Variants in PPFIA4 observed in about 807,000 individuals in gnomAD.
PPFIA4 encodes the protein PPFI scaffold protein A4.
PPFIA4 carries 98 observed loss-of-function variants against 145.7 expected under a neutral mutation model. That is an observed-to-expected ratio of 0.67 (90% CI 0.57 to 0.80). The LOEUF is 0.80. Among genes scored for constraint, PPFIA4 ranks in the 30% least tolerant of loss-of-function variants. The pLI, the probability that PPFIA4 is intolerant of heterozygous loss-of-function variation, is 0.00. For missense variants in PPFIA4, 1,457 were observed against 1,632.7 expected (o/e 0.89, Z 1.85); for synonymous variants, 628 against 649.6 (o/e 0.97, Z 0.51).
intron 28 of PPFIA4, among the ~76,000 whole-genome samples, chr1:203,073,931 G>C (rs182303525): frequency 6.6e-6 from 1 of 152,184 alleles, no homozygotes; most frequent in African/African-American, 2.4e-5. Flanking sequence ...AGAGCCAGCT[G>C]CCACCTATTC....
In PPFIA4 at chr1:203,048,155, G is replaced by A; in HGVS notation, c.1141-72G>A. On this transcript the variant is annotated intron_variant, in intron 9 of 29. Coordinates refer to ENST00000295706, the MANE Select transcript of PPFIA4 (RefSeq NM_001304331.2). The surrounding 1 kb of genome is among the most constrained non-coding windows in gnomAD (Gnocchi z 5.8). ...TCCCCAGGGCCACCCTGGCACCAGG[G>A]TGCAGGGGATGCGGGGCCTGAGCAG... 4 of 1,459,284 alleles carry A rather than the reference G, an allele frequency of 2.7e-6. No homozygotes were observed. Among genetic ancestry groups the A allele is most frequent in the Non-Finnish European group, 2.9e-6 (3 of 1,051,256 alleles). The allele number at this position is 1,459,284 out of a possible 1,614,324, so 90.4% of individuals were successfully genotyped here.
intron 21 of PPFIA4, 137 bp downstream of exon 21, chr1:203,059,988 C>CCCCCCT: frequency 1.2e-6 from 1 of 813,240 alleles, no homozygotes; most frequent in Non-Finnish European, 2.0e-6. Flanking sequence ...TAGCATTTAG[C>CCCCCCT]CCCCCTCCCC....
chr1:203,065,247 C>A (rs1308506258), intron 25 of PPFIA4, among the ~76,000 whole-genome samples: 1 of 152,184 alleles, frequency 6.6e-6, no homozygotes, highest in African/African-American at 2.4e-5. Flanking sequence ...GGCTTAGAAC[C>A]CTTGGCCTAT....
chr1:203,038,822 G>A lies in PPFIA4; in HGVS notation c.-187G>A. On this transcript the variant is annotated 5_prime_UTR_variant, in exon 2 of 30. Transcript: ENST00000295706. ...AGGCCTTCTGGCTCAGTTCCACAGG[G>A]GCACTCCAGACCCCAGGCCCCTTTC... is the stretch of plus-strand genomic sequence containing the variant. The A allele has an allele frequency of 2.0e-6, 1 of 507,008 alleles. No homozygotes were observed. Among genetic ancestry groups the A allele is most frequent in the Non-Finnish European group, 3.5e-6 (1 of 286,520 alleles). 31.4% of individuals were successfully genotyped at this position (507,008 alleles called of 1,614,324 possible).
chr1:203,074,714 C>CA (rs1182251541), intron 28 of PPFIA4, among the ~76,000 whole-genome samples: 2 of 151,980 alleles, frequency 1.3e-5, no homozygotes, highest in Non-Finnish European at 2.9e-5. Context: ...GGAGATTGGG[C>CA]ATGGCTTCCA....
Position 203,060,100 on chromosome 1 carries a change from A to G in PPFIA4, c.2584-117A>G, listed in dbSNP as rs1168019413. On this transcript the variant is annotated intron_variant, in intron 21 of 29. Transcript: ENST00000295706. The surrounding 1 kb of genome is among the most constrained non-coding windows in gnomAD (Gnocchi z 4.8). ...GTTTGATGACCGCCACATTCCTATG[A>G]TCTGTATTTGCTATTCGAGTCCGTG... 4.1e-6 allele frequency: 4 copies of G among 973,030 alleles called. No individual in the cohort carries two copies. Among genetic ancestry groups the G allele is most frequent in the Non-Finnish European group, 6.2e-6 (4 of 641,862 alleles). The allele number at this position is 973,030 out of a possible 1,614,324, so 60.3% of individuals were successfully genotyped here.
rs1217404560 is a variant in PPFIA4 at position 203,055,772 on chromosome 1, A to G, written c.2070+100A>G. On this transcript the variant is annotated intron_variant, in intron 16 of 29. Transcript: ENST00000295706. This position sits in a 1 kb window ranked among gnomAD's most constrained non-coding sequence, Gnocchi z 4.8. ...TCACGTGCTCTCAGCTGGGCCTGCC[A>G]TCTTCTTCCCATGGTGTGTGCAGAC... 68 of 1,542,098 alleles carry G rather than the reference A, an allele frequency of 4.4e-5. No individual in the cohort carries two copies. The highest frequency in any genetic ancestry group is 4.7e-4 in the Middle Eastern group (2 of 4,294).
chr1:203,058,898 ATTC>A (rs941322545), intron 19 of PPFIA4, among the ~76,000 whole-genome samples: 6 of 152,140 alleles, frequency 3.9e-5, no homozygotes, highest in South Asian at 2.1e-4. Flanking sequence ...TCTGTCTAGG[ATTC>A]TAGGGTCGAT....
chr1:203,075,507 C>T lies in PPFIA4; in HGVS notation c.3394-70C>T. 1.6e-6 allele frequency: 2 copies of T among 1,284,394 alleles called. No homozygotes were observed. The highest frequency in any genetic ancestry group is 2.0e-6 in the Non-Finnish European group (2 of 998,516). 79.6% of individuals were successfully genotyped at this position (1,284,394 alleles called of 1,614,324 possible). A position where few individuals can be genotyped will look rare whatever the true frequency, so the allele number is the denominator to read the frequency against. The stretch of plus-strand genomic sequence containing the variant: ...CCCTTGAACCAGCAGCGACTGGCCC[C>T]CTCCAGGCAGGGCGTGAGGATGGCA... On this transcript the variant is annotated intron_variant, in intron 28 of 29. Transcript: ENST00000295706. The surrounding 1 kb of genome is among the most constrained non-coding windows in gnomAD (Gnocchi z 4.1).
At chr1:203,069,046 A>G (rs746355579) in intron 27 of PPFIA4, among the ~76,000 whole-genome samples, 36 of 152,000 alleles carry the variant, frequency 2.4e-4, no homozygotes, top group Non-Finnish European at 4.9e-4. Flanking sequence ...ACCTTTGTCT[A>G]CCACCCTAGG....
At chr1:203,072,196 G>A (rs1662218514) in intron 28 of PPFIA4, among the ~76,000 whole-genome samples, 1 of 152,178 alleles carries the variant, frequency 6.6e-6, no homozygotes, top group Non-Finnish European at 1.5e-5. Context: ...CCAGGAGTGT[G>A]GGTGTGTGGA....
At chr1:203,059,412 G>A in intron 20 of PPFIA4, 141 bp downstream of exon 20, 1 of 731,184 alleles carries the variant, frequency 1.4e-6, no homozygotes, top group Non-Finnish European at 2.3e-6. Context: ...TGGTCCATGT[G>A]GGCACAGCAG....
At chr1:203,072,332 A>T (rs570326718) in intron 28 of PPFIA4, among the ~76,000 whole-genome samples, 73 of 152,288 alleles carry the variant, frequency 4.8e-4, no homozygotes, top group African/African-American at 1.7e-3. Flanking sequence ...CCTTGGGTCT[A>T]CCTTCACACC....
In PPFIA4 at chr1:203,045,829, C is replaced by T. The variant is rs755317911; in HGVS notation, c.859-12C>T. ...GGCTGGTTACCGTCCTTCTTGTCCC[C>T]TCTTCTCCCAGGCTCTGGCCCAGAA... On this transcript the variant is annotated splice_polypyrimidine_tract_variant and intron_variant, in intron 7 of 29. Coordinates refer to ENST00000295706, the MANE Select transcript of PPFIA4 (RefSeq NM_001304331.2). 1.4e-5 allele frequency: 23 copies of T among 1,612,826 alleles called. 1 individual carries two copies. In the South Asian group the frequency reaches 2.4e-4, roughly 17 times the overall value.
In PPFIA4 at chr1:203,056,896, A is replaced by C. The variant is rs757219718; in HGVS notation, c.2353A>C (p.Lys785Gln). The C allele has an allele frequency of 1.2e-6, 2 of 1,614,066 alleles. No individual in the cohort carries two copies. Among genetic ancestry groups the C allele is most frequent in the South Asian group, 2.2e-5 (2 of 91,088 alleles). ...IKSSIGRLFG[K>Q]KEKGRLIQLS... The stretch of plus-strand genomic sequence containing the variant: ...GTCGTCCATTGGCCGCCTGTTTGGG[A>C]AGAAGGAGAAGGGCAGGCTGATCCA... The change falls in exon 19 of 30, where the codon AAG becomes CAG. Residue 785 changes from lysine (K) to glutamine (Q), a missense_variant. This residue lies in a region of PPFIA4 where 848 missense variants were observed against 1,046.7 expected (regional missense o/e 0.81). Coordinates refer to ENST00000295706, the MANE Select transcript of PPFIA4 (RefSeq NM_001304331.2).
chr1:203,052,050 C>CG (rs1553257075), intron 14 of PPFIA4, among the ~76,000 whole-genome samples, 173 bp downstream of exon 14: 9 of 138,512 alleles, frequency 6.5e-5, no homozygotes, highest in African/African-American at 2.5e-4. Context: ...GCTGTGCCCC[C>CG]CCCCCCGCTT....
Position 203,067,766 on chromosome 1 carries a change from G to A in PPFIA4, c.3122G>A (p.Arg1041Gln), listed in dbSNP as rs528573275. Residue 1041 changes from arginine to glutamine, a missense_variant, in exon 26 of 30, where the codon CGA (arginine) becomes CAA (glutamine). Around this residue, in one of 3 missense-constraint regions of PPFIA4, gnomAD observed 848 missense variants for 1,046.7 expected, o/e 0.81. Transcript: ENST00000295706. ...GACCGGAAGGAGCTGGAGAAGAGGC[G>A]AGAGGAGAGCCAGCATGAGATCAAG... ...NYDRKELEKR[R>Q]EESQHEIKDV... 6.2e-7 allele frequency: 1 copy of A among 1,613,772 alleles called. No homozygotes were observed. The highest frequency in any genetic ancestry group is 8.5e-7 in the Non-Finnish European group (1 of 1,179,848).
In PPFIA4 at chr1:203,073,528, T is replaced by A. The variant is rs961428116; in HGVS notation, c.3393+1768T>A. 5.9e-5 allele frequency among the ~76,000 whole-genome samples: 9 copies of A among 151,362 alleles called. No individual in the cohort carries two copies. In the South Asian group the frequency reaches 1.0e-3, roughly 18 times the overall value. On this transcript the variant is annotated intron_variant, in intron 28 of 29. Transcript: ENST00000295706. ...TTAGGGGTGAGGGGAGGGTCTGGGG[T>A]CCAAGGAGACTGCTTCCTGTCCAAC...
chr1:203,043,383 T>C lies in PPFIA4; in HGVS notation c.235-14T>C. ...GTGAATCCTGAAGCACTGAGGGGCCTTGGGGGTTTTCAGGAATTTGCCACC... is the reference window on the plus strand; with the variant it reads ...GTGAATCCTGAAGCACTGAGGGGCCCTGGGGGTTTTCAGGAATTTGCCACC... On this transcript the variant is annotated splice_polypyrimidine_tract_variant and intron_variant, in intron 2 of 29. Transcript: ENST00000295706. This position sits in a 1 kb window ranked among gnomAD's most constrained non-coding sequence, Gnocchi z 4.4. 1 of 1,601,756 alleles carries C rather than the reference T, an allele frequency of 6.2e-7. No individual in the cohort carries two copies. Among genetic ancestry groups the C allele is most frequent in the East Asian group, 2.2e-5 (1 of 44,530 alleles).
Sources: gnomAD v4.1 joint callset for allele counts (sites outside exome capture counted in the v4.1 genomes callset) on GRCh38, gnomAD v4.1.1 for gene constraint, gnomAD v4.1.1 regional missense constraint, Gnocchi (gnomAD v3.1) non-coding constraint, MANE v1.5 for transcripts, NCBI Gene and HGNC (gene_info 2026-07-23, HGNC 2026-07-21) for gene names.